The following CCNY variants were observed in gnomAD, a reference collection of about 807,000 sequenced individuals.
CCNY encodes cyclin-Y.
A neutral mutation model predicts 42.8 loss-of-function variants in CCNY; 19 were observed. That is an observed-to-expected ratio of 0.44 (90% CI 0.31 to 0.65). CCNY has a LOEUF of 0.65. Among genes scored for constraint, CCNY ranks in the 30% least tolerant of loss-of-function variants. CCNY has a pLI of 0.07. For missense variants in CCNY, 370 were observed against 437.3 expected (o/e 0.85, Z 1.37); for synonymous variants, 165 against 162.7 (o/e 1.01, Z -0.11).
At chr10:35,523,310 G>T (rs1160122004) in intron 4 of CCNY, among the ~76,000 whole-genome samples, 3 of 152,184 alleles carry the variant, frequency 2.0e-5, no homozygotes, top group Non-Finnish European at 2.9e-5. Context: ...CCATCTTACT[G>T]CCTAATTAAA....
chr10:35,358,086 T>C (rs1463387323), intron 1 of CCNY, among the ~76,000 whole-genome samples: 1 of 152,206 alleles, frequency 6.6e-6, no homozygotes, highest in African/African-American at 2.4e-5. Flanking sequence ...TTTCTCTTGA[T>C]TTGGAAAATG....
chr10:35,500,772 T>C (rs1447026456), intron 2 of CCNY, among the ~76,000 whole-genome samples: 1 of 152,224 alleles, frequency 6.6e-6, no homozygotes, highest in Non-Finnish European at 1.5e-5. Flanking sequence ...GGCAGCAGGC[T>C]CCCATTCTGA....
At chr10:35,402,435 C>G (rs1837664209) in intron 1 of CCNY, among the ~76,000 whole-genome samples, 1 of 152,168 alleles carries the variant, frequency 6.6e-6, no homozygotes, top group Non-Finnish European at 1.5e-5. Context: ...AGTTTTTGGG[C>G]TCTATCCTTG....
chr10:35,252,492 G>A (rs1205785706), intron 3 of CCNY, among the ~76,000 whole-genome samples: 1 of 150,578 alleles, frequency 6.6e-6, no homozygotes, highest in Non-Finnish European at 1.5e-5. Flanking sequence ...CGTGAACCTG[G>A]GAAGCGGAGC....
intron 3 of CCNY, among the ~76,000 whole-genome samples, chr10:35,301,461 C>A (rs200466190): frequency 0.042 from 6,383 of 152,204 alleles, 181 homozygotes; most frequent in Non-Finnish European, 0.061. Flanking sequence ...ACTTCACTTC[C>A]ATGTAGTCCA....
chr10:35,293,549 TG>T (rs1361417065), intron 3 of CCNY, among the ~76,000 whole-genome samples: 1 of 152,200 alleles, frequency 6.6e-6, no homozygotes, highest in Non-Finnish European at 1.5e-5. Context: ...TAGGTCAACT[TG>T]GGGGTACTGC....
At chr10:35,557,440 T>G (rs563966613) in intron 8 of CCNY, among the ~76,000 whole-genome samples, 5 of 152,198 alleles carry the variant, frequency 3.3e-5, no homozygotes, top group Non-Finnish European at 7.3e-5. Flanking sequence ...TGAGTTGTCA[T>G]TAGTACACAG....
intron 1 of CCNY, 61 bp downstream of exon 1, chr10:35,337,268 CG>C (rs200238658): frequency 0.035 from 47,953 of 1,388,428 alleles, 1,373 homozygotes; most frequent in African/African-American, 0.15. Flanking sequence ...CAGCCAACGT[CG>C]GGGCGGCCCG....
chr10:35,510,690 A>C (rs1481478135), intron 3 of CCNY, among the ~76,000 whole-genome samples: 1 of 152,234 alleles, frequency 6.6e-6, no homozygotes, highest in Admixed American at 6.5e-5. Flanking sequence ...TCACAGCACC[A>C]CAATGAAGGA....
intron 3 of CCNY, chr10:35,501,762 A>T (rs73266785): frequency 2.7e-4 from 125 of 469,038 alleles, no homozygotes; most frequent in African/African-American, 2.3e-3. Context: ...TGTTCATGAG[A>T]TGATGTGTGT....
intron 1 of CCNY, among the ~76,000 whole-genome samples, chr10:35,418,659 G>A (rs1472125164): frequency 1.3e-5 from 2 of 151,998 alleles, no homozygotes; most frequent in South Asian, 2.1e-4. Flanking sequence ...GGGCGTATGT[G>A]GGGGACAGTG....
chr10:35,362,778 G>A (rs1836715019), intron 1 of CCNY, among the ~76,000 whole-genome samples: 1 of 151,092 alleles, frequency 6.6e-6, no homozygotes, highest in Non-Finnish European at 1.5e-5. Flanking sequence ...CATCCCAGAG[G>A]GTGTGGGGGC....
intron 1 of CCNY, among the ~76,000 whole-genome samples, chr10:35,393,179 A>T (rs1199176100): frequency 6.6e-6 from 1 of 152,180 alleles, no homozygotes; most frequent in African/African-American, 2.4e-5. Flanking sequence ...CTTCCTCACC[A>T]TTTTAATAAG....
chr10:35,397,948 GTGATGT>G (rs1475770990), intron 1 of CCNY, among the ~76,000 whole-genome samples: 1 of 152,094 alleles, frequency 6.6e-6, no homozygotes, highest in Non-Finnish European at 1.5e-5. Context: ...TCCCCCTCTG[GTGATGT>G]GCTTGCTTCC....
At chr10:35,313,257 G>A (rs1835711119) in intron 3 of CCNY, among the ~76,000 whole-genome samples, 1 of 152,168 alleles carries the variant, frequency 6.6e-6, no homozygotes, top group Non-Finnish European at 1.5e-5. Flanking sequence ...CATCTCTGGG[G>A]ACATATAGAT....
At chr10:35,431,793 A>C (rs1448890000) in intron 1 of CCNY, among the ~76,000 whole-genome samples, 1 of 152,018 alleles carries the variant, frequency 6.6e-6, no homozygotes. Flanking sequence ...TCCACCACTC[A>C]CAGGGTGTGG....
intron 7 of CCNY, among the ~76,000 whole-genome samples, chr10:35,536,097 T>C (rs141283534): frequency 6.6e-6 from 1 of 152,296 alleles, no homozygotes; most frequent in African/African-American, 2.4e-5. Flanking sequence ...TAACTCCCAT[T>C]ATTGTGGGAG....
chr10:35,499,072 G>C (rs1840059032), intron 2 of CCNY, among the ~76,000 whole-genome samples: 1 of 152,018 alleles, frequency 6.6e-6, no homozygotes, highest in South Asian at 2.1e-4. Flanking sequence ...CCTTGTAGGT[G>C]GTGGACAAAA....
intron 1 of CCNY, among the ~76,000 whole-genome samples, chr10:35,440,540 C>T (rs1030213355): frequency 3.9e-5 from 6 of 152,188 alleles, no homozygotes; most frequent in Non-Finnish European, 8.8e-5. Flanking sequence ...TGCTTCCCAC[C>T]CCTCCTAGTG....
Sources: allele counts gnomAD v4.1 joint callset (sites outside exome capture counted in the v4.1 genomes callset), GRCh38; gene constraint gnomAD v4.1.1; transcripts MANE v1.5; gene names NCBI Gene and HGNC (gene_info 2026-07-23, HGNC 2026-07-21).